TBC1D9: variants seen among roughly 807,000 people sequenced by gnomAD.
TBC1D9 encodes the protein TBC1 domain family member 9A.
TBC1D9 carries 63 observed loss-of-function variants against 132.0 expected under a neutral mutation model. The observed-to-expected ratio is 0.48, with a 90% CI of 0.39 to 0.59. The LOEUF (loss-of-function observed/expected upper bound fraction) is 0.59, where lower values mean the gene tolerates loss of function less well. Among genes scored for constraint, TBC1D9 ranks in the 20% least tolerant of loss-of-function variants. TBC1D9 has a pLI of 0.00. For synonymous variants in TBC1D9, 610 were observed against 609.9 expected (o/e 1.00, Z 0.00); for missense variants, 1,261 against 1,592.7 (o/e 0.79, Z 3.54).
chr4:140,684,641 C>T (rs532818294), intron 3 of TBC1D9, among the ~76,000 whole-genome samples: 2 of 151,708 alleles, frequency 1.3e-5, no homozygotes, highest in African/African-American at 4.8e-5. Flanking sequence ...TCCTACAGCC[C>T]TTTTTTTCTT....
intron 3 of TBC1D9, 103 bp from the exon 4 acceptor site, chr4:140,679,946 ATTG>A: frequency 4.1e-6 from 4 of 964,998 alleles, no homozygotes; most frequent in Non-Finnish European, 5.9e-6. Flanking sequence ...AAAAAAAAAA[ATTG>A]AGGAATGCCC....
intron 1 of TBC1D9, among the ~76,000 whole-genome samples, chr4:140,753,284 A>C (rs1376708759): frequency 6.6e-6 from 1 of 151,724 alleles, no homozygotes; most frequent in Non-Finnish European, 1.5e-5. Flanking sequence ...TCTAGCGATA[A>C]GGTCTCACCA....
At chr4:140,630,712 T>C (rs946168290) in intron 16 of TBC1D9, among the ~76,000 whole-genome samples, 2 of 152,184 alleles carry the variant, frequency 1.3e-5, no homozygotes, top group African/African-American at 4.8e-5. Context: ...AAAACCTACT[T>C]TTGTCACCTA....
At chr4:140,623,318 T>C (rs1474811398) in intron 20 of TBC1D9, among the ~76,000 whole-genome samples, 1 of 152,160 alleles carries the variant, frequency 6.6e-6, no homozygotes, top group South Asian at 2.1e-4. Flanking sequence ...TCCTCCTGCC[T>C]TGGCCTCCCA....
At position 140,677,078 on chromosome 4, in the gene TBC1D9, C is replaced by T. The variant is rs370816280; in HGVS notation, c.875G>A (p.Ser292Asn). 4.4e-5 allele frequency: 71 copies of T among 1,613,790 alleles called. No homozygotes were observed. Among genetic ancestry groups the T allele is most frequent in the Admixed American group, 8.3e-5 (5 of 60,008 alleles). Reference sequence around the variant, plus strand: ...CCGGAAAAGTGCACGGTATCTCTCACTCTTTGCCCTGGCATCAAGATCACT... The same window carrying T: ...CCGGAAAAGTGCACGGTATCTCTCATTCTTTGCCCTGGCATCAAGATCACT... ...LKRDLDARAK[S>N]ERYRALFRLP... The change falls in exon 6 of 21, where the codon AGT becomes AAT. Residue 292 changes from serine (S) to asparagine (N), a missense_variant. Ser to Asn is a conservative substitution (Grantham distance 46). Coordinates refer to ENST00000442267, the MANE Select transcript of TBC1D9 (RefSeq NM_015130.3).
At position 140,685,431 on chromosome 4, in the gene TBC1D9, C is replaced by T. The variant is rs149379633; in HGVS notation, c.360+913G>A. On this transcript the variant is annotated intron_variant, in intron 3 of 20. Coordinates refer to ENST00000442267, the MANE Select transcript of TBC1D9 (RefSeq NM_015130.3). ...AACTGAATCGATTCATAATATCTGA[C>T]GAAATGCAAAATGAAATCATTCTAG... 2.3e-3 allele frequency among the ~76,000 whole-genome samples: 345 copies of T among 152,118 alleles called. 3 individuals are homozygous for T. The highest frequency in any genetic ancestry group is 7.2e-3 in the African/African-American group (297 of 41,500).
At chr4:140,707,846 C>T (rs548798382) in intron 1 of TBC1D9, among the ~76,000 whole-genome samples, 5 of 152,166 alleles carry the variant, frequency 3.3e-5, no homozygotes, top group East Asian at 3.9e-4. Flanking sequence ...TTCTCCGGCA[C>T]GCTCCCAACC....
In TBC1D9 at chr4:140,657,584, T is replaced by C. The variant is rs760072987; in HGVS notation, c.2150A>G (p.Asn717Ser). 3.7e-6 allele frequency: 6 copies of C among 1,613,940 alleles called. No homozygotes were observed. The Admixed American group carries it at 6.7e-5, about 18-fold the overall frequency. Reference sequence around the variant, plus strand: ...CTTGCAGTTCAACAGTTTGTCCACATTTGCATCCAGCACAGCTAGGGCCAA... The same window carrying C: ...CTTGCAGTTCAACAGTTTGTCCACACTTGCATCCAGCACAGCTAGGGCCAA... ...FQLALAVLDA[N>S]VDKLLNCKDD... is the part of the protein sequence containing the mutation. The change falls in exon 12 of 21, where the codon AAT (asparagine) becomes AGT (serine). Residue 717 changes from asparagine to serine, a missense_variant. Physicochemically the swap from Asn to Ser is conservative, Grantham distance 46 (BLOSUM62 1). This residue lies in a region of TBC1D9 where 618 missense variants were observed against 724.4 expected (regional missense o/e 0.85). Transcript: ENST00000442267.
At chr4:140,641,113 A>AAAAAAAAAAAAAAAAAT (rs1736986009) in intron 13 of TBC1D9, among the ~76,000 whole-genome samples, 1 of 148,956 alleles carries the variant, frequency 6.7e-6, no homozygotes, top group Non-Finnish European at 1.5e-5. Context: ...AACAAAAAAA[A>AAAAAAAAAAAAAAAAAT]ACAGAAGCAA....
chr4:140,644,074 C>A, intron 13 of TBC1D9: 1 of 415,078 alleles, frequency 2.4e-6, no homozygotes, highest in Non-Finnish European at 4.6e-6. Context: ...TTGGTCCCAT[C>A]AGCTGGGAGC....
Position 140,670,850 on chromosome 4 carries a change from G to C in TBC1D9, c.1136C>G (p.Thr379Ser). 16 of 1,613,974 alleles carry C rather than the reference G, an allele frequency of 9.9e-6. No homozygotes were observed. The highest frequency in any genetic ancestry group is 1.4e-5 in the Non-Finnish European group (16 of 1,179,874). The change falls in exon 7 of 21, where the codon ACC becomes AGC. Residue 379 changes from threonine (T) to serine (S), a missense_variant. By Grantham distance (58) the Thr-to-Ser change is moderately conservative. This residue lies in a region of TBC1D9 where 550 missense variants were observed against 699.0 expected (regional missense o/e 0.79). Transcript: ENST00000442267. ...PLSISTRNRM[T>S]FLFANLKDRD... ...ATCTTTCAAGTTGGCAAATAGGAAG[G>C]TCATCCTGTTTCGGGTGCTGATGGA...
intron 9 of TBC1D9, among the ~76,000 whole-genome samples, chr4:140,666,284 A>G (rs1560878669): frequency 6.6e-6 from 1 of 152,160 alleles, no homozygotes; most frequent in African/African-American, 2.4e-5. Context: ...TGGGGCTGGG[A>G]GGGGGCTTGA....
At chr4:140,654,616 T>C (rs1354995386) in intron 13 of TBC1D9, among the ~76,000 whole-genome samples, 2 of 152,108 alleles carry the variant, frequency 1.3e-5, no homozygotes, top group Admixed American at 6.5e-5. Flanking sequence ...AACCCACAGA[T>C]AGAAAAGCTC....
chr4:140,707,800 T>C (rs1425060855), intron 1 of TBC1D9, among the ~76,000 whole-genome samples: 2 of 152,034 alleles, frequency 1.3e-5, no homozygotes, highest in Non-Finnish European at 2.9e-5. Flanking sequence ...TCCCTCAATA[T>C]CCAGGTCAAG....
intron 1 of TBC1D9, among the ~76,000 whole-genome samples, chr4:140,705,254 G>A (rs935829476): frequency 2.6e-5 from 4 of 152,144 alleles, no homozygotes; most frequent in Non-Finnish European, 5.9e-5. Context: ...TCAAACAGCA[G>A]CAAACTCCTA....
chr4:140,738,263 C>T (rs544059226), intron 1 of TBC1D9, among the ~76,000 whole-genome samples: 9 of 152,308 alleles, frequency 5.9e-5, no homozygotes, highest in Non-Finnish European at 1.3e-4. Flanking sequence ...AACTGCCTTC[C>T]TTTTGTTCCC....
At chr4:140,653,200 T>A (rs1003651022) in intron 13 of TBC1D9, among the ~76,000 whole-genome samples, 1 of 152,204 alleles carries the variant, frequency 6.6e-6, no homozygotes, top group Non-Finnish European at 1.5e-5. Context: ...TGAAGCGAAG[T>A]TATCAATATC....
At position 140,623,003 on chromosome 4, in the gene TBC1D9, G is replaced by A. The variant is rs1736645859; in HGVS notation, c.3079-86C>T. On this transcript the variant is annotated intron_variant, in intron 20 of 20. Coordinates refer to ENST00000442267, the MANE Select transcript of TBC1D9 (RefSeq NM_015130.3). ...AAGTGGACTGTAAAGCCATTTAAAT[G>A]AGAACGCCTAAAGATCCCTGGAAAG... 2.0e-5 allele frequency: 28 copies of A among 1,411,086 alleles called. No individual in the cohort carries two copies. In the East Asian group the frequency reaches 7.0e-4, roughly 35 times the overall value. 87.4% of individuals were successfully genotyped at this position (1,411,086 alleles called of 1,614,324 possible). A position where few individuals can be genotyped will look rare whatever the true frequency, so the allele number is the denominator to read the frequency against.
intron 4 of TBC1D9, 48 bp from the exon 5 acceptor site, chr4:140,679,251 C>A: frequency 6.3e-7 from 1 of 1,575,926 alleles, no homozygotes; most frequent in Non-Finnish European, 8.6e-7. Context: ...CCTGAAAACG[C>A]TTTCAAGATA....
Sources: gnomAD v4.1 joint callset for allele counts (sites outside exome capture counted in the v4.1 genomes callset) on GRCh38, gnomAD v4.1.1 for gene constraint, gnomAD v4.1.1 regional missense constraint, MANE v1.5 for transcripts, NCBI Gene and HGNC (gene_info 2026-07-23, HGNC 2026-07-21) for gene names.